The following SPON1 variants were observed in gnomAD, a reference collection of about 807,000 sequenced individuals.
The protein encoded by SPON1 is spondin 1, also known as spondin-1.
SPON1 carries 52 observed loss-of-function variants against 111.7 expected under a neutral mutation model. The ratio of observed to expected loss-of-function variants is 0.47; its 90% CI spans 0.37 to 0.59. The LOEUF (loss-of-function observed/expected upper bound fraction) is 0.59. Among genes scored for constraint, SPON1 ranks in the 20% least tolerant of loss-of-function variants. The pLI is 0.00. For missense variants in SPON1, 957 were observed against 1,068.5 expected, an observed-to-expected ratio of 0.90 and a Z score of 1.46; for synonymous variants, 410 against 395.8, an observed-to-expected ratio of 1.04 and a Z score of -0.43.
rs561871741 is a variant in SPON1, at chr11:14,138,547, CCAGGACACCTGG to C, written c.825+2980_825+2991del. ...GACAAAGGCAAATGTGTCCTGGTGG[CCAGGACACCTGG>C]GGACTGGGAATTAGAAATACTGAGC... is the stretch of plus-strand genomic sequence containing the variant. On this transcript the variant is annotated intron_variant, in intron 6 of 15. Coordinates refer to ENST00000576479, the MANE Select transcript of SPON1 (RefSeq NM_006108.4). 2.0e-3 allele frequency among the ~76,000 whole-genome samples: 302 copies of C among 152,078 alleles called. 2 individuals carry two copies. Among genetic ancestry groups the C allele is most frequent in the Non-Finnish European group, 3.5e-3 (237 of 67,978 alleles).
Position 14,267,696 on chromosome 11 carries a change from A to C in SPON1, c.*2009A>C, listed in dbSNP as rs1213889708. On this transcript the variant is annotated 3_prime_UTR_variant, in exon 16 of 16. Transcript: ENST00000576479. ...GTTGGATTGTTATTTTTTGTTTGCA[A>C]TGGGGAATTTATAAGAAGCATCAAG... The C allele has an allele frequency of 1.3e-5, 2 of 152,232 alleles. No homozygotes were observed. Among genetic ancestry groups the C allele is most frequent in the African/African-American group, 4.8e-5 (2 of 41,462 alleles). 9.4% of individuals were successfully genotyped at this position (152,232 alleles called of 1,614,324 possible). A position where few individuals can be genotyped will look rare whatever the true frequency, so the allele number is the denominator to read the frequency against.
intron 5 of SPON1, among the ~76,000 whole-genome samples, chr11:14,112,109 GA>G (rs782414747): frequency 0.014 from 1,785 of 131,322 alleles, 11 homozygotes; most frequent in Non-Finnish European, 0.017. Context: ...ATTTGCAGGG[GA>G]AAAAAAAAAA....
rs1363789204 is a variant in SPON1, at chr11:14,254,859, G to A, written c.1092+130G>A. 13 of 859,658 alleles carry A rather than the reference G, an allele frequency of 1.5e-5. No homozygotes were observed. The East Asian group carries it at 3.4e-4, about 22-fold the overall frequency. The allele number at this position is 859,658 out of a possible 1,614,324, so 53.3% of individuals were successfully genotyped here. A position where few individuals can be genotyped will look rare whatever the true frequency, so the allele number is the denominator to read the frequency against. On this transcript the variant is annotated intron_variant, in intron 8 of 15. Transcript: ENST00000576479. ...TCAGTCTGGCTGGGGAGGCTGGCAT[G>A]GTCGCATCATCACATATGGTGTAAT...
At chr11:14,085,950 G>C (rs1247596504) in intron 5 of SPON1, among the ~76,000 whole-genome samples, 1 of 152,106 alleles carries the variant, frequency 6.6e-6, no homozygotes, top group Admixed American at 6.6e-5. Context: ...CTCTCTGCTT[G>C]CCTATTATTG....
chr11:13,975,332 T>C (rs1848094246), intron 1 of SPON1, among the ~76,000 whole-genome samples: 1 of 152,170 alleles, frequency 6.6e-6, no homozygotes, highest in Admixed American at 6.5e-5. Flanking sequence ...CCATGGGAAC[T>C]TTGGAAAAGG....
At chr11:14,042,391 G>A (rs1416815960) in intron 3 of SPON1, among the ~76,000 whole-genome samples, 2 of 115,058 alleles carry the variant, frequency 1.7e-5, no homozygotes, top group Non-Finnish European at 4.0e-5. Context: ...GCAAAGTCCT[G>A]GCGAAAAAAA....
chr11:14,213,317 T>C (rs943646071), intron 6 of SPON1, among the ~76,000 whole-genome samples: 28 of 152,012 alleles, frequency 1.8e-4, no homozygotes, highest in African/African-American at 6.8e-4. Flanking sequence ...CAGAGGGCTT[T>C]CATTTGCCTG....
At chr11:14,134,044 T>G (rs1847562024) in intron 5 of SPON1, among the ~76,000 whole-genome samples, 1 of 147,696 alleles carries the variant, frequency 6.8e-6, no homozygotes, top group South Asian at 2.1e-4. Context: ...CTTTCTTTCT[T>G]TTTTTTTTTT....
At chr11:14,188,264 G>A (rs1299085253) in intron 6 of SPON1, among the ~76,000 whole-genome samples, 1 of 152,138 alleles carries the variant, frequency 6.6e-6, no homozygotes, top group African/African-American at 2.4e-5. Flanking sequence ...GTGCAAGCCA[G>A]TGAAGGTTTT....
rs1554942418 is a variant in SPON1 at position 14,265,660 on chromosome 11, C to G, written c.2397C>G (p.Ile799Met). Residue 799 changes from isoleucine to methionine, a missense_variant, in exon 16 of 16, where the codon ATC becomes ATG. Around this residue, in one of 5 missense-constraint regions of SPON1, gnomAD observed 549 missense variants for 606.2 expected, o/e 0.91. Coordinates refer to ENST00000576479, the MANE Select transcript of SPON1 (RefSeq NM_006108.4). ...QFTSCKDKKE[I>M]RACNVHPC ...CCAGCTGCAAAGACAAGAAGGAGAT[C>G]AGAGCATGCAATGTTCATCCTTGTT... is the stretch of plus-strand genomic sequence containing the variant. 2 of 1,613,670 alleles carry G rather than the reference C, an allele frequency of 1.2e-6. No homozygotes were observed. The highest frequency in any genetic ancestry group is 2.2e-5 in the East Asian group (1 of 44,882).
chr11:14,189,223 T>C (rs1472009080), intron 6 of SPON1, among the ~76,000 whole-genome samples: 4 of 152,234 alleles, frequency 2.6e-5, no homozygotes, highest in Non-Finnish European at 5.9e-5. Flanking sequence ...AGTCTGCTGA[T>C]ACTTTAAACA....
At chr11:14,033,233 C>T (rs1848571646) in intron 2 of SPON1, among the ~76,000 whole-genome samples, 1 of 152,210 alleles carries the variant, frequency 6.6e-6, no homozygotes. Context: ...GGAGCCCTGA[C>T]CTGGCCACTA....
chr11:14,037,567 T>G (rs566919247), intron 2 of SPON1, among the ~76,000 whole-genome samples: 85 of 148,112 alleles, frequency 5.7e-4, no homozygotes, highest in African/African-American at 1.9e-3. Context: ...CTTACACCCC[T>G]CACAAAAATT....
rs1554907658 is a variant in SPON1, at chr11:13,962,997, C to A, written c.93C>A (p.Asp31Glu). ...TGGCCGCGGCGCTGGCCTTCTCCGA[C>A]GAGACCCTGGACAAAGTGCCCAAGT... ...LPLAAALAFS[D>E]ETLDKVPKSE... The change falls in exon 1 of 16, where the codon GAC becomes GAA. Residue 31 changes from aspartate to glutamate, a missense_variant. Physicochemically the swap from Asp to Glu is conservative, Grantham distance 45. This residue lies in a region of SPON1 where 262 missense variants were observed against 253.9 expected (regional missense o/e 1.03). Transcript: ENST00000576479. 2.5e-6 allele frequency: 4 copies of A among 1,595,680 alleles called. No homozygotes were observed. Among genetic ancestry groups the A allele is most frequent in the Non-Finnish European group, 3.4e-6 (4 of 1,172,674 alleles).
chr11:14,265,934 C>G lies in SPON1; in HGVS notation c.*247C>G. 2.5e-6 allele frequency: 1 copy of G among 400,396 alleles called. No homozygotes were observed. The highest frequency in any genetic ancestry group is 4.6e-6 in the Non-Finnish European group (1 of 218,306). The allele number at this position is 400,396 out of a possible 1,614,324, so 24.8% of individuals were successfully genotyped here. On this transcript the variant is annotated 3_prime_UTR_variant, in exon 16 of 16. Coordinates refer to ENST00000576479, the MANE Select transcript of SPON1 (RefSeq NM_006108.4). Reference sequence around the variant, plus strand: ...GAGGAGTAGTGTCAGCCACCTTGTACTAAGCTGAAACATGTCCCTCTGGAG... The same window carrying G: ...GAGGAGTAGTGTCAGCCACCTTGTAGTAAGCTGAAACATGTCCCTCTGGAG...
chr11:13,980,184 G>T (rs1484021370), intron 1 of SPON1, among the ~76,000 whole-genome samples: 2 of 152,078 alleles, frequency 1.3e-5, no homozygotes, highest in Non-Finnish European at 2.9e-5. Context: ...GGGATTACAG[G>T]CATGTGCCAC....
intron 2 of SPON1, among the ~76,000 whole-genome samples, chr11:14,019,057 C>G (rs945404891): frequency 6.6e-6 from 1 of 152,028 alleles, no homozygotes; most frequent in Non-Finnish European, 1.5e-5. Flanking sequence ...CTGCCTTGAC[C>G]AAGACAGAGT....
At chr11:14,186,886 G>T (rs1564926705) in intron 6 of SPON1, among the ~76,000 whole-genome samples, 1 of 152,152 alleles carries the variant, frequency 6.6e-6, no homozygotes, top group East Asian at 1.9e-4. Context: ...CCCCCATTTT[G>T]CAGGAGAGGA....
chr11:14,004,463 G>C (rs1350312954), intron 2 of SPON1, among the ~76,000 whole-genome samples: 1 of 152,068 alleles, frequency 6.6e-6, no homozygotes, highest in Non-Finnish European at 1.5e-5. Context: ...AGCATACAGG[G>C]TTACCTTTTC....
Sources: gnomAD v4.1 joint callset for allele counts (sites outside exome capture counted in the v4.1 genomes callset) on GRCh38, gnomAD v4.1.1 for gene constraint, gnomAD v4.1.1 regional missense constraint, MANE v1.5 for transcripts, NCBI Gene and HGNC (gene_info 2026-07-23, HGNC 2026-07-21) for gene names.